Variants in EFEMP1 observed in about 807,000 individuals in gnomAD.
EFEMP1 encodes the protein EGF-containing fibulin-like extracellular matrix protein 1.
Under a neutral mutation model 65.7 loss-of-function variants are expected in EFEMP1, and 18 were observed. The ratio of observed to expected loss-of-function variants is 0.27; its 90% CI spans 0.19 to 0.41. EFEMP1 has a LOEUF of 0.41. Among genes scored for constraint, EFEMP1 ranks in the 10% least tolerant of loss-of-function variants. The pLI is 1.00. For missense variants in EFEMP1, 469 were observed against 624.8 expected (o/e 0.75, Z 2.66); for synonymous variants, 237 against 219.7 (o/e 1.08, Z -0.70).
At chr2:55,891,760 A>G (rs1669636521) in intron 5 of EFEMP1, among the ~76,000 whole-genome samples, 2 of 152,072 alleles carry the variant, frequency 1.3e-5, no homozygotes. Context: ...AGGATTTTTC[A>G]GGAAGGAAGA....
At chr2:55,879,523 A>G (rs1198328630) in intron 6 of EFEMP1, among the ~76,000 whole-genome samples, 1 of 152,232 alleles carries the variant, frequency 6.6e-6, no homozygotes, top group Non-Finnish European at 1.5e-5. Context: ...CTTCTTAACT[A>G]ATAAACATTC....
chr2:55,911,004 T>C (rs1366641801), intron 5 of EFEMP1, among the ~76,000 whole-genome samples: 1 of 152,162 alleles, frequency 6.6e-6, no homozygotes, highest in South Asian at 2.1e-4. Flanking sequence ...ATAGAAGATA[T>C]AGGTATCACT....
intron 6 of EFEMP1, among the ~76,000 whole-genome samples, chr2:55,878,712 T>A (rs1038234744): frequency 2.0e-5 from 3 of 152,154 alleles, no homozygotes; most frequent in Non-Finnish European, 4.4e-5. Context: ...GGTACTTTAA[T>A]AACTAAAATT....
In EFEMP1 at chr2:55,886,820, G is replaced by A. The variant is rs1439155908; in HGVS notation, c.518-5086C>T. Among the ~76,000 whole-genome samples, 1 of 152,106 alleles carries A rather than the reference G, an allele frequency of 6.6e-6. No individual in the cohort carries two copies. Among genetic ancestry groups the A allele is most frequent in the Non-Finnish European group, 1.5e-5 (1 of 68,002 alleles). ...TTTTCAATATAATCCTGGAAGGTAA[G>A]AATTACTTCAGCAAGACCTGAGGGC... On this transcript the variant is annotated intron_variant, in intron 5 of 11. Coordinates refer to ENST00000355426, the MANE Select transcript of EFEMP1 (RefSeq NM_001039348.3). This position sits in a 1 kb window ranked among gnomAD's most constrained non-coding sequence, Gnocchi z 4.0.
At chr2:55,898,700 C>T (rs1350687249) in intron 5 of EFEMP1, among the ~76,000 whole-genome samples, 2 of 152,150 alleles carry the variant, frequency 1.3e-5, no homozygotes, top group African/African-American at 4.8e-5. Context: ...AAATCTGTCA[C>T]TAATTGTGAC....
intron 8 of EFEMP1, among the ~76,000 whole-genome samples, chr2:55,875,375 T>A (rs930378403): frequency 3.0e-5 from 4 of 133,392 alleles, no homozygotes; most frequent in African/African-American, 1.4e-4. Flanking sequence ...CATATATATT[T>A]TTTTTGTTCT....
At chr2:55,901,165 A>T (rs3828239) in intron 5 of EFEMP1, among the ~76,000 whole-genome samples, 60,749 of 152,038 alleles carry the variant, frequency 0.4, 14,230 homozygotes, top group African/African-American at 0.65. Context: ...GAGATGGAGA[A>T]TGTGATATCC....
intron 5 of EFEMP1, among the ~76,000 whole-genome samples, chr2:55,898,133 C>T (rs1383258396): frequency 6.6e-6 from 1 of 152,174 alleles, no homozygotes; most frequent in Non-Finnish European, 1.5e-5. Flanking sequence ...GAGCATGAGG[C>T]AGAGAGGCTG....
chr2:55,907,964 G>A (rs78857879), intron 5 of EFEMP1, among the ~76,000 whole-genome samples: 8,700 of 152,118 alleles, frequency 0.057, 346 homozygotes, highest in Non-Finnish European at 0.087. Context: ...CCTTCCCTAC[G>A]TCACTCTTAT....
chr2:55,904,985 C>CTTTTTTTTTTTTTT (rs1168768201), intron 5 of EFEMP1, among the ~76,000 whole-genome samples: 1 of 23,190 alleles, frequency 4.3e-5, no homozygotes, highest in African/African-American at 3.4e-4. Context: ...TTTTCTTTTT[C>CTTTTTTTTTTTTTT]TTTTTTTTTT....
At position 55,867,129 on chromosome 2, in the gene EFEMP1, AG is replaced by A; in HGVS notation, c.1425del (p.Phe476SerfsTer7). ...AATCTTAACACAGAGCTTGTGCGGAAGGTCCCTATACTGCTGACTGTCAGCA... is the reference window on the plus strand; with the variant it reads ...AATCTTAACACAGAGCTTGTGCGGAAGTCCCTATACTGCTGACTGTCAGCA... ...LEMLTVSSIGTFRTSSVLRLT... is the reference protein window; with the variant it reads ...LEMLTVSSIGXFRTSSVLRLT... On this transcript the variant is annotated frameshift_variant, in exon 12 of 12. Coordinates refer to ENST00000355426, the MANE Select transcript of EFEMP1 (RefSeq NM_001039348.3). LOFTEE classifies it high-confidence loss of function. The surrounding 1 kb of genome is among the most constrained non-coding windows in gnomAD (Gnocchi z 4.3). 6.2e-7 allele frequency: 1 copy of A among 1,613,810 alleles called. No individual in the cohort carries two copies. Among genetic ancestry groups the A allele is most frequent in the Non-Finnish European group, 8.5e-7 (1 of 1,179,948 alleles).
In EFEMP1 at chr2:55,885,109, G is replaced by A. The variant is rs1669378440; in HGVS notation, c.518-3375C>T. On this transcript the variant is annotated intron_variant, in intron 5 of 11. Coordinates refer to ENST00000355426, the MANE Select transcript of EFEMP1 (RefSeq NM_001039348.3). The surrounding 1 kb of genome is among the most constrained non-coding windows in gnomAD (Gnocchi z 4.3). ...GTAAAAGAAAAATGATGTTGAGCAA[G>A]TGAGTCCAGGAGTGCAGAGGCTATG... Among the ~76,000 whole-genome samples, 1 of 152,214 alleles carries A rather than the reference G, an allele frequency of 6.6e-6. No individual in the cohort carries two copies. The highest frequency in any genetic ancestry group is 6.5e-5 in the Admixed American group (1 of 15,282).
At chr2:55,918,679 C>A (rs6718023) in intron 3 of EFEMP1, among the ~76,000 whole-genome samples, 8,069 of 145,412 alleles carry the variant, frequency 0.055, 454 homozygotes, top group African/African-American at 0.14. Context: ...CCCCAACCAG[C>A]CCTGGACTCT....
At position 55,874,961 on chromosome 2, in the gene EFEMP1, T is replaced by C; in HGVS notation, c.985A>G (p.Ser329Gly). ...ATAAACTTACCTTGACATGTTCTAC[T>C]TCTCACCACTTGGTATCCCTGGGGG... ...MCPQGYQVVRSRTCQDINECE... is the reference protein window; with the variant it reads ...MCPQGYQVVRGRTCQDINECE... Residue 329 changes from serine to glycine, a missense_variant, in exon 9 of 12, where the codon AGT (serine) becomes GGT (glycine). Coordinates refer to ENST00000355426, the MANE Select transcript of EFEMP1 (RefSeq NM_001039348.3). The C allele has an allele frequency of 6.2e-7, 1 of 1,605,456 alleles. No homozygotes were observed. The highest frequency in any genetic ancestry group is 2.2e-5 in the East Asian group (1 of 44,492).
chr2:55,906,291 T>C (rs764198450), intron 5 of EFEMP1, among the ~76,000 whole-genome samples: 5 of 151,218 alleles, frequency 3.3e-5, no homozygotes, highest in Non-Finnish European at 5.9e-5. Context: ...GTGTGTGATC[T>C]TGGCTCACTG....
intron 5 of EFEMP1, among the ~76,000 whole-genome samples, chr2:55,906,165 C>T (rs1322682299): frequency 8.6e-5 from 13 of 151,772 alleles, no homozygotes; most frequent in East Asian, 1.9e-4. Context: ...CCCTGACCCA[C>T]GACAATCACT....
intron 5 of EFEMP1, among the ~76,000 whole-genome samples, chr2:55,902,953 CTCTG>C (rs1385201461): frequency 6.6e-6 from 1 of 152,212 alleles, no homozygotes; most frequent in East Asian, 1.9e-4. Flanking sequence ...CTCATTTTCT[CTCTG>C]TCTCTTTCTC....
Position 55,886,551 on chromosome 2 carries a change from A to G in EFEMP1, c.518-4817T>C, listed in dbSNP as rs2104400186. On this transcript the variant is annotated intron_variant, in intron 5 of 11. Coordinates refer to ENST00000355426, the MANE Select transcript of EFEMP1 (RefSeq NM_001039348.3). The surrounding 1 kb of genome is among the most constrained non-coding windows in gnomAD (Gnocchi z 4.0). ...TCTCATAAATGGAGTAAAGTAGAAA[A>G]ATGGTCAAGGTAAAGGATTCATGTT... is the stretch of plus-strand genomic sequence containing the variant. Among the ~76,000 whole-genome samples the G allele has an allele frequency of 6.6e-6, 1 of 152,260 alleles. No individual in the cohort carries two copies. The highest frequency in any genetic ancestry group is 1.9e-4 in the East Asian group (1 of 5,184).
intron 5 of EFEMP1, among the ~76,000 whole-genome samples, chr2:55,896,571 C>A (rs1197500843): frequency 2.0e-5 from 3 of 152,174 alleles, no homozygotes; most frequent in Non-Finnish European, 2.9e-5. Context: ...TACAGACAGA[C>A]CTGTGTTATT....
Sources: allele counts gnomAD v4.1 joint callset (sites outside exome capture counted in the v4.1 genomes callset), GRCh38; gene constraint gnomAD v4.1.1; non-coding constraint Gnocchi (gnomAD v3.1); transcripts MANE v1.5; gene names NCBI Gene and HGNC (gene_info 2026-07-23, HGNC 2026-07-21).